The following ERBB4 variants were observed in gnomAD, a reference collection of about 807,000 sequenced individuals.
The protein encoded by ERBB4 is erb-b2 receptor tyrosine kinase 4.
In ERBB4, 42 loss-of-function variants were observed where a neutral mutation model predicts 158.0. The ratio of observed to expected loss-of-function variants is 0.27; its 90% CI spans 0.21 to 0.34. ERBB4 has a LOEUF of 0.34. ERBB4 is among the 10% of genes least tolerant of loss of function. The pLI is 1.00. For missense variants in ERBB4, 1,333 were observed against 1,624.1 expected (o/e 0.82, Z 3.08); for synonymous variants, 583 against 558.7 (o/e 1.04, Z -0.61).
At chr2:211,653,214 A>G (rs1574929115) in intron 16 of ERBB4, among the ~76,000 whole-genome samples, 2 of 152,280 alleles carry the variant, frequency 1.3e-5, no homozygotes, top group African/African-American at 4.8e-5. Context: ...AAGTAGGGAG[A>G]GGTTCTAAAA....
chr2:212,398,856 A>G (rs2106456587), intron 1 of ERBB4, among the ~76,000 whole-genome samples: 1 of 152,342 alleles, frequency 6.6e-6, no homozygotes, highest in African/African-American at 2.4e-5. Flanking sequence ...AGCAGATAGC[A>G]TATTAATTTA....
chr2:212,519,413 A>G (rs1329230340), intron 1 of ERBB4, among the ~76,000 whole-genome samples: 1 of 152,030 alleles, frequency 6.6e-6, no homozygotes, highest in Non-Finnish European at 1.5e-5. Flanking sequence ...TTCTTTTTCA[A>G]GAATGTATTG....
intron 3 of ERBB4, among the ~76,000 whole-genome samples, chr2:211,899,119 C>T (rs1407843459): frequency 1.3e-5 from 2 of 152,068 alleles, no homozygotes; most frequent in Non-Finnish European, 2.9e-5. Context: ...CTCAGATGTT[C>T]AAGACTTTCA....
intron 2 of ERBB4, among the ~76,000 whole-genome samples, chr2:212,048,385 G>C (rs945243443): frequency 1.3e-5 from 2 of 152,188 alleles, no homozygotes; most frequent in Non-Finnish European, 2.9e-5. Flanking sequence ...GCTGGAAATG[G>C]AGGAAGCTAT....
intron 3 of ERBB4, among the ~76,000 whole-genome samples, chr2:211,861,049 T>TA (rs1386741897): frequency 2.2e-4 from 2 of 9,050 alleles, no homozygotes; most frequent in African/African-American, 8.4e-4. Context: ...ATTTATATAT[T>TA]TATATATATA....
At position 211,977,530 on chromosome 2, in the gene ERBB4, T is replaced by TAAAAAAAAAA. The variant is rs1394107563; in HGVS notation, c.235-29915_235-29914insTTTTTTTTTT. Reference sequence around the variant, plus strand: ...GCCTTACTTTGTTAAGATATTGACTTTAAAAAAAAAAAAAAAAAGTAACTT... The same window carrying TAAAAAAAAAA: ...GCCTTACTTTGTTAAGATATTGACTTAAAAAAAAAATAAAAAAAAAAAAAAAAAGTAACTT... On this transcript the variant is annotated intron_variant, in intron 2 of 27. Transcript: ENST00000342788. Among the ~76,000 whole-genome samples, 55 of 6,688 alleles carry TAAAAAAAAAA rather than the reference T, an allele frequency of 8.2e-3. 2 individuals are homozygous for TAAAAAAAAAA. Among genetic ancestry groups the TAAAAAAAAAA allele is most frequent in the South Asian group, 0.016 (3 of 190 alleles). 4.4% of individuals were successfully genotyped at this position (6,688 alleles called of 152,430 possible).
chr2:212,027,113 A>G (rs2076791289), intron 2 of ERBB4, among the ~76,000 whole-genome samples: 1 of 151,982 alleles, frequency 6.6e-6, no homozygotes, highest in Admixed American at 6.6e-5. Flanking sequence ...TTACTCATCC[A>G]TAAGTGTGAG....
At chr2:212,463,475 C>T (rs1443935855) in intron 1 of ERBB4, among the ~76,000 whole-genome samples, 1 of 151,904 alleles carries the variant, frequency 6.6e-6, no homozygotes, top group Non-Finnish European at 1.5e-5. Context: ...TCTCACTGGG[C>T]CATATACTAA....
intron 20 of ERBB4, among the ~76,000 whole-genome samples, chr2:211,471,286 G>A (rs1336815597): frequency 2.6e-5 from 4 of 152,230 alleles, no homozygotes; most frequent in African/African-American, 7.2e-5. Flanking sequence ...ACCTGGATCA[G>A]AGAAACCATG....
intron 3 of ERBB4, among the ~76,000 whole-genome samples, chr2:211,812,738 C>G (rs1384596911): frequency 6.6e-6 from 1 of 152,338 alleles, no homozygotes; most frequent in East Asian, 1.9e-4. Context: ...CTACACAAGC[C>G]TCAGCAATGG....
chr2:212,277,481 C>T (rs890489277), intron 1 of ERBB4, among the ~76,000 whole-genome samples: 28 of 151,600 alleles, frequency 1.8e-4, no homozygotes, highest in African/African-American at 5.8e-4. Flanking sequence ...TCATTTTATT[C>T]ATCATTTCAT....
intron 16 of ERBB4, among the ~76,000 whole-genome samples, chr2:211,649,152 T>G (rs1030757958): frequency 1.3e-5 from 2 of 151,842 alleles, no homozygotes; most frequent in African/African-American, 4.8e-5. Context: ...AACTGCATTA[T>G]AAAATCCTAC....
chr2:211,986,642 C>G (rs1390710365), intron 2 of ERBB4, among the ~76,000 whole-genome samples: 1 of 152,084 alleles, frequency 6.6e-6, no homozygotes, highest in African/African-American at 2.4e-5. Flanking sequence ...GCCAGATTTC[C>G]TAGCCTTGGA....
At chr2:212,272,784 G>A (rs1465995062) in intron 1 of ERBB4, among the ~76,000 whole-genome samples, 1 of 151,530 alleles carries the variant, frequency 6.6e-6, no homozygotes, top group Non-Finnish European at 1.5e-5. Flanking sequence ...TAAAATTACA[G>A]ATTAATATTT....
At chr2:211,535,621 A>G (rs1206764654) in intron 20 of ERBB4, 1 of 133,654 alleles carries the variant, frequency 7.5e-6, no homozygotes, top group Non-Finnish European at 1.6e-5. Context: ...GTGTCCATGC[A>G]CATGTGTTGT....
chr2:211,649,237 T>A (rs952238333), intron 16 of ERBB4, among the ~76,000 whole-genome samples: 1 of 151,890 alleles, frequency 6.6e-6, no homozygotes, highest in Non-Finnish European at 1.5e-5. Context: ...AATTGCTGAA[T>A]GACTCTAAGT....
At chr2:212,029,224 A>G (rs1222879284) in intron 2 of ERBB4, among the ~76,000 whole-genome samples, 1 of 152,148 alleles carries the variant, frequency 6.6e-6, no homozygotes, top group Admixed American at 6.6e-5. Context: ...CCTGCTCTGC[A>G]GAAGGAGTCA....
At chr2:211,773,943 T>C (rs1041580215) in intron 4 of ERBB4, among the ~76,000 whole-genome samples, 1 of 151,970 alleles carries the variant, frequency 6.6e-6, no homozygotes, top group Admixed American at 6.6e-5. Flanking sequence ...ATATGGACTC[T>C]AGAACAGGAT....
chr2:212,124,713 G>A (rs2125570088), intron 2 of ERBB4, 39 bp downstream of exon 2: 1 of 1,611,078 alleles, frequency 6.2e-7, no homozygotes, highest in South Asian at 1.1e-5. Context: ...TGACGCCACT[G>A]TCCATTCACA....
Sources: gnomAD v4.1 joint callset for allele counts (sites outside exome capture counted in the v4.1 genomes callset) on GRCh38, gnomAD v4.1.1 for gene constraint, MANE v1.5 for transcripts, NCBI Gene and HGNC (gene_info 2026-07-23, HGNC 2026-07-21) for gene names.